Variants in CFAP54 observed in about 807,000 individuals in gnomAD.
The protein encoded by CFAP54 is cilia- and flagella-associated protein 54.
CFAP54 carries 290 observed loss-of-function variants against 370.4 expected under a neutral mutation model. The observed-to-expected ratio is 0.78, with a 90% CI of 0.71 to 0.86. The LOEUF (loss-of-function observed/expected upper bound fraction) is 0.86. CFAP54 is among the 40% of genes least tolerant of loss of function. The pLI, the probability that CFAP54 is intolerant of heterozygous loss-of-function variation, is 0.00. For missense variants in CFAP54, 3,399 were observed against 3,528.7 expected (o/e 0.96, Z 0.93); for synonymous variants, 1,206 against 1,236.5 (o/e 0.98, Z 0.52).
intron 50 of CFAP54, among the ~76,000 whole-genome samples, chr12:96,735,689 G>A (rs1957972517): frequency 6.6e-6 from 1 of 152,174 alleles, no homozygotes; most frequent in Non-Finnish European, 1.5e-5. Context: ...AAGTGGATGT[G>A]GGAGAGATAG....
intron 32 of CFAP54, among the ~76,000 whole-genome samples, chr12:96,637,825 G>A (rs536378579): frequency 6.6e-6 from 1 of 152,216 alleles, no homozygotes; most frequent in Non-Finnish European, 1.5e-5. Flanking sequence ...CATGTACAAC[G>A]GTGGTCCTAT....
chr12:96,872,166 A>C (rs1421645684), intron 67 of CFAP54, among the ~76,000 whole-genome samples: 2 of 152,182 alleles, frequency 1.3e-5, no homozygotes, highest in African/African-American at 4.8e-5. Flanking sequence ...AATAGGAAAA[A>C]CATATTAAAA....
intron 5 of CFAP54, among the ~76,000 whole-genome samples, chr12:96,513,993 A>G (rs950724337): frequency 6.6e-6 from 1 of 152,202 alleles, no homozygotes; most frequent in African/African-American, 2.4e-5. Context: ...AGCTTGAGGA[A>G]GTTGCTGACA....
Position 96,506,955 on chromosome 12 carries a change from TGC to T in CFAP54, c.596_597del (p.Cys199Ter). Reference protein sequence around the residue: ...TFHALSGKNMCNYQLVCDSDE... With the variant: ...TFHALSGKNMXNYQLVCDSDE... ...TCATGCTTTGAGTGGCAAAAATATG[TGC>T]AACTACCAGCTGGTCTGCGACAGTG... On this transcript the variant is annotated frameshift_variant, in exon 4 of 68. Transcript: ENST00000524981. LOFTEE classifies it high-confidence loss of function. The T allele has an allele frequency of 6.5e-7, 1 of 1,529,928 alleles. No homozygotes were observed. Among genetic ancestry groups the T allele is most frequent in the South Asian group, 1.2e-5 (1 of 82,520 alleles). The allele number at this position is 1,529,928 out of a possible 1,614,324, so 94.8% of individuals were successfully genotyped here. A position where few individuals can be genotyped will look rare whatever the true frequency, so the allele number is the denominator to read the frequency against.
In CFAP54 at chr12:96,625,777, A is replaced by T; in HGVS notation, c.3946A>T (p.Asn1316Tyr). The T allele has an allele frequency of 1.3e-6, 2 of 1,535,776 alleles. No homozygotes were observed. Among genetic ancestry groups the T allele is most frequent in the Non-Finnish European group, 1.7e-6 (2 of 1,146,706 alleles). ...DPIFLYPVVL[N>Y]WSVKGAVKEV... ...TATATTTCTTTATCCTGTAGTTTTG[A>T]ATTGGTCGGTCAAAGGTGCCGTGAA... The change falls in exon 29 of 68, where the codon AAT becomes TAT. Residue 1316 changes from asparagine to tyrosine, a missense_variant. Around this residue, in one of 3 missense-constraint regions of CFAP54, gnomAD observed 2,796 missense variants for 2,869.7 expected, o/e 0.97. Coordinates refer to ENST00000524981, the MANE Select transcript of CFAP54 (RefSeq NM_001306084.2).
intron 60 of CFAP54, among the ~76,000 whole-genome samples, chr12:96,777,881 A>G (rs1958536351): frequency 6.6e-6 from 1 of 152,244 alleles, no homozygotes; most frequent in South Asian, 2.1e-4. Flanking sequence ...GTTGCCAATC[A>G]TTGACATAGG....
chr12:96,501,836 A>C (rs753618225), intron 2 of CFAP54, among the ~76,000 whole-genome samples: 2 of 152,326 alleles, frequency 1.3e-5, no homozygotes, highest in Non-Finnish European at 2.9e-5. Flanking sequence ...CTTCTGCCAA[A>C]ACTAGAGAAT....
intron 32 of CFAP54, among the ~76,000 whole-genome samples, chr12:96,635,159 A>C (rs896892044): frequency 6.6e-6 from 1 of 152,194 alleles, no homozygotes; most frequent in African/African-American, 2.4e-5. Flanking sequence ...TACATTTTAG[A>C]ATAAACTTGT....
At chr12:96,636,826 C>T (rs530101026) in intron 32 of CFAP54, among the ~76,000 whole-genome samples, 36 of 152,152 alleles carry the variant, frequency 2.4e-4, no homozygotes, top group Admixed American at 4.6e-4. Flanking sequence ...TGGCGGCACA[C>T]GCCTGTAATC....
chr12:96,635,121 A>G (rs1391194220), intron 32 of CFAP54, among the ~76,000 whole-genome samples: 2 of 152,214 alleles, frequency 1.3e-5, no homozygotes, highest in African/African-American at 4.8e-5. Context: ...CACGAATTTT[A>G]AAGATCTATT....
At position 96,619,302 on chromosome 12, in the gene CFAP54, C is replaced by T. The variant is rs1016323847; in HGVS notation, c.3640-2288C>T. On this transcript the variant is annotated intron_variant, in intron 26 of 67. Coordinates refer to ENST00000524981, the MANE Select transcript of CFAP54 (RefSeq NM_001306084.2). ...CTGTCTAGCCTACAGTTCCAGGATC[C>T]TGGACTAACCCTGAATCCCAGATTT... Among the ~76,000 whole-genome samples, 7 of 152,168 alleles carry T rather than the reference C, an allele frequency of 4.6e-5. No homozygotes were observed. The South Asian group carries it at 1.4e-3, about 32-fold the overall frequency.
chr12:96,521,918 C>G lies in CFAP54; in HGVS notation c.1004C>G (p.Ser335Cys), dbSNP rs1955325283. 2.0e-6 allele frequency: 3 copies of G among 1,534,504 alleles called. No homozygotes were observed. The highest frequency in any genetic ancestry group is 2.6e-6 in the Non-Finnish European group (3 of 1,145,712). ...TTAAGGCAACTGGAATTAATGAGTT[C>G]CTCAAAATCCCAGGAAGAATCGCGA... ...DELRQLELMS[S>C]SKSQEESRRY... The change falls in exon 7 of 68, where the codon TCC becomes TGC. Residue 335 changes from serine (S) to cysteine (C), a missense_variant. Transcript: ENST00000524981.
Position 96,707,317 on chromosome 12 carries a change from G to A in CFAP54, c.6529-1291G>A, listed in dbSNP as rs76847963. Among the ~76,000 whole-genome samples the A allele has an allele frequency of 1.9e-3, 289 of 151,976 alleles. 1 individual carries two copies. The highest frequency in any genetic ancestry group is 2.4e-3 in the Non-Finnish European group (165 of 67,984). On this transcript the variant is annotated intron_variant, in intron 47 of 67. Transcript: ENST00000524981. ...AATCAGAATGCATTTTACAGTTCATGGCATGTGACAGCTTAATTGGCATAT... is the reference window on the plus strand; with the variant it reads ...AATCAGAATGCATTTTACAGTTCATAGCATGTGACAGCTTAATTGGCATAT...
chr12:96,502,040 T>A (rs116083073), intron 2 of CFAP54, among the ~76,000 whole-genome samples: 1,964 of 152,210 alleles, frequency 0.013, 60 homozygotes, highest in African/African-American at 0.046. Flanking sequence ...AAGCTGGTAA[T>A]ACAAATAAAA....
In CFAP54 at chr12:96,719,038, CA is replaced by C. The variant is rs1164963751; in HGVS notation, c.6804+527del. ...GGGCAAAAAGAGCGAAACTCCATTT[CA>C]AAAAAAAAAACAACAAAGAAACATG... On this transcript the variant is annotated intron_variant, in intron 49 of 67. Coordinates refer to ENST00000524981, the MANE Select transcript of CFAP54 (RefSeq NM_001306084.2). 5.6e-3 allele frequency among the ~76,000 whole-genome samples: 768 copies of C among 137,452 alleles called. 4 individuals carry two copies. Among genetic ancestry groups the C allele is most frequent in the African/African-American group, 0.018 (697 of 37,932 alleles). 90.2% of individuals were successfully genotyped at this position (137,452 alleles called of 152,430 possible).
chr12:96,492,637 T>C (rs1273000413), intron 1 of CFAP54, among the ~76,000 whole-genome samples: 3 of 152,244 alleles, frequency 2.0e-5, no homozygotes, highest in Admixed American at 2.0e-4. Context: ...TTCTGGCACT[T>C]AGCCTGGGGG....
chr12:96,565,348 C>T (rs1955856382), intron 19 of CFAP54, among the ~76,000 whole-genome samples: 1 of 152,096 alleles, frequency 6.6e-6, no homozygotes, highest in Non-Finnish European at 1.5e-5. Context: ...GTCCTACCAC[C>T]TCAGCCTTCC....
chr12:96,820,485 A>G (rs1298888922), intron 65 of CFAP54, among the ~76,000 whole-genome samples: 1 of 152,192 alleles, frequency 6.6e-6, no homozygotes, highest in Non-Finnish European at 1.5e-5. Context: ...CCATAAGAGA[A>G]TCTACTGTGC....
intron 20 of CFAP54, 61 bp downstream of exon 20, chr12:96,576,822 C>A: frequency 7.6e-7 from 1 of 1,320,122 alleles, no homozygotes. Flanking sequence ...TTATAACTAC[C>A]ATGATTCATA....
Sources: gnomAD v4.1 joint callset for allele counts (sites outside exome capture counted in the v4.1 genomes callset) on GRCh38, gnomAD v4.1.1 for gene constraint, gnomAD v4.1.1 regional missense constraint, MANE v1.5 for transcripts, NCBI Gene and HGNC (gene_info 2026-07-23, HGNC 2026-07-21) for gene names.